Variants in KDM7A observed in about 807,000 individuals in gnomAD.
KDM7A encodes lysine demethylase 7A.
In KDM7A, 28 loss-of-function variants were observed where a neutral mutation model predicts 114.8. The observed-to-expected ratio is 0.24, with a 90% CI of 0.18 to 0.33. The LOEUF is 0.33. Among genes scored for constraint, KDM7A ranks in the 10% least tolerant of loss-of-function variants. The pLI, the probability that KDM7A is intolerant of heterozygous loss-of-function variation, is 1.00. For synonymous variants in KDM7A, 423 were observed against 397.8 expected (o/e 1.06, Z -0.75); for missense variants, 942 against 1,142.5 (o/e 0.82, Z 2.53).
In KDM7A at chr7:140,145,668, C is replaced by T. The variant is rs187216778; in HGVS notation, c.195-6478G>A. 5.2e-3 allele frequency among the ~76,000 whole-genome samples: 791 copies of T among 152,254 alleles called. 14 individuals are homozygous for T. The highest frequency in any genetic ancestry group is 0.017 in the African/African-American group (718 of 41,522). On this transcript the variant is annotated intron_variant, in intron 1 of 19. Transcript: ENST00000397560. ...AAAGAAATAGGTACTATACTCCCAC[C>T]AAAACAGAAACTCAATGTTAACAGA... is the stretch of plus-strand genomic sequence containing the variant.
At chr7:140,134,222 T>C (rs1056566607) in intron 2 of KDM7A, among the ~76,000 whole-genome samples, 3 of 152,208 alleles carry the variant, frequency 2.0e-5, no homozygotes, top group Non-Finnish European at 4.4e-5. Flanking sequence ...TTTATTCCAA[T>C]GCTAAGACCC....
intron 3 of KDM7A, among the ~76,000 whole-genome samples, chr7:140,130,999 G>A (rs148380349): frequency 0.059 from 8,905 of 151,064 alleles, 335 homozygotes; most frequent in East Asian, 0.13. Flanking sequence ...GACTACAGGC[G>A]CCCGCCACCA....
At chr7:140,100,660 T>TTATATATATATATATACACATATATA (rs1818185180) in intron 12 of KDM7A, among the ~76,000 whole-genome samples, 12 of 111,280 alleles carry the variant, frequency 1.1e-4, no homozygotes, top group Non-Finnish European at 1.1e-4. Context: ...TTTTAAAAAG[T>TTATATATATATATATACACATATATA]TATATATATA....
At position 140,176,081 on chromosome 7, in the gene KDM7A, C is replaced by T. The variant is rs1304176792; in HGVS notation, c.194+663G>A. On this transcript the variant is annotated intron_variant, in intron 1 of 19. Transcript: ENST00000397560. This position sits in a 1 kb window ranked among gnomAD's most constrained non-coding sequence, Gnocchi z 4.4. Reference sequence around the variant, plus strand: ...ACTTCCCCGGCACCTTTCAAGTCCCCGAGAGCGAGTGCCTCATCTGTTGCT... The same window carrying T: ...ACTTCCCCGGCACCTTTCAAGTCCCTGAGAGCGAGTGCCTCATCTGTTGCT... Among the ~76,000 whole-genome samples the T allele has an allele frequency of 6.6e-6, 1 of 151,916 alleles. No homozygotes were observed. Among genetic ancestry groups the T allele is most frequent in the Non-Finnish European group, 1.5e-5 (1 of 67,948 alleles).
chr7:140,115,051 C>T (rs1409201854), intron 9 of KDM7A, among the ~76,000 whole-genome samples: 2 of 151,624 alleles, frequency 1.3e-5, no homozygotes, highest in African/African-American at 4.8e-5. Context: ...GCAGCCCCTG[C>T]TCGGCCAGCC....
chr7:140,099,014 C>G lies in KDM7A; in HGVS notation c.1783G>C (p.Ala595Pro). 6.2e-7 allele frequency: 1 copy of G among 1,612,282 alleles called. No individual in the cohort carries two copies. Among genetic ancestry groups the G allele is most frequent in the East Asian group, 2.2e-5 (1 of 44,844 alleles). Reference sequence around the variant, plus strand: ...TCTGCTGTATAAAGACTTTGATCTGCAAAGGGCTGCCTTTCATCTCTGTAT... The same window carrying G: ...TCTGCTGTATAAAGACTTTGATCTGGAAAGGGCTGCCTTTCATCTCTGTAT... ...RIIKDERQPF[A>P]DQSLYTADSE... The change falls in exon 14 of 20, where the codon GCA becomes CCA. Residue 595 changes from alanine (A) to proline (P), a missense_variant. By Grantham distance (27) the Ala-to-Pro change is conservative. Around this residue, in one of 4 missense-constraint regions of KDM7A, gnomAD observed 512 missense variants for 576.6 expected, o/e 0.89. Coordinates refer to ENST00000397560, the MANE Select transcript of KDM7A (RefSeq NM_030647.2).
chr7:140,106,820 A>T (rs1818345126), intron 11 of KDM7A, among the ~76,000 whole-genome samples: 1 of 152,308 alleles, frequency 6.6e-6, no homozygotes, highest in East Asian at 1.9e-4. Flanking sequence ...GTGCAAGCTG[A>T]GTTCAATTCC....
chr7:140,093,514 A>G (rs892385826), intron 18 of KDM7A, among the ~76,000 whole-genome samples: 5 of 151,870 alleles, frequency 3.3e-5, no homozygotes, highest in Non-Finnish European at 5.9e-5. Context: ...TTTGGCTGCC[A>G]TTTTCCAAGG....
rs554432007 is a variant in KDM7A, at chr7:140,113,090, T to C, written c.1338+401A>G. ...CTCTTTGAACCTTGGCTTTCCCATA[T>C]GTAGAATGGTGGTACCAACAGCACC... On this transcript the variant is annotated intron_variant, in intron 10 of 19. Coordinates refer to ENST00000397560, the MANE Select transcript of KDM7A (RefSeq NM_030647.2). Among the ~76,000 whole-genome samples the C allele has an allele frequency of 3.9e-5, 6 of 152,348 alleles. No homozygotes were observed. In the South Asian group the frequency reaches 1.2e-3, roughly 32 times the overall value.
At chr7:140,100,374 A>T (rs963984500) in intron 12 of KDM7A, among the ~76,000 whole-genome samples, 2 of 152,090 alleles carry the variant, frequency 1.3e-5, no homozygotes, top group Non-Finnish European at 2.9e-5. Flanking sequence ...TCTTCCTGCT[A>T]AAGTGCTAGC....
chr7:140,174,968 GA>G (rs34222210), intron 1 of KDM7A, among the ~76,000 whole-genome samples: 1 of 151,668 alleles, frequency 6.6e-6, no homozygotes, highest in Admixed American at 6.6e-5. Context: ...ATAGTTCTTT[GA>G]AAAAAAATAA....
chr7:140,100,715 TATATATATATATATATATATATATATACA>T (rs1818202894), intron 12 of KDM7A, among the ~76,000 whole-genome samples: 1 of 49,072 alleles, frequency 2.0e-5, no homozygotes, highest in African/African-American at 6.9e-5. Context: ...TATACACATA[TATATATATATATATATATATATATATACA>T]TATATATTTT....
intron 10 of KDM7A, among the ~76,000 whole-genome samples, chr7:140,111,737 T>C (rs1818436035): frequency 6.6e-6 from 1 of 152,180 alleles, no homozygotes; most frequent in South Asian, 2.1e-4. Flanking sequence ...GGCTGGCAGA[T>C]CACCTGAGGT....
chr7:140,102,157 C>T lies in KDM7A; in HGVS notation c.1432G>A (p.Glu478Lys), dbSNP rs199627366. 1.2e-5 allele frequency: 19 copies of T among 1,609,838 alleles called. No homozygotes were observed. The highest frequency in any genetic ancestry group is 1.6e-5 in the Non-Finnish European group (19 of 1,176,124). Residue 478 changes from glutamate (E) to lysine (K), a missense_variant, in exon 12 of 20, where the codon GAA becomes AAA. Glu to Lys is a moderately conservative substitution (Grantham distance 56). This residue lies in a region of KDM7A where 512 missense variants were observed against 576.6 expected (regional missense o/e 0.89). Transcript: ENST00000397560. The part of the protein sequence containing the change: ...LSKVIRAIEE[E>K]NGKPVKSQGI... ...TGAGATTTAACTGGTTTGCCGTTTT[C>T]CTCCTTTAAGAATTAAAATCAGAGT...
At chr7:140,140,829 G>C (rs980443820) in intron 1 of KDM7A, among the ~76,000 whole-genome samples, 2 of 151,540 alleles carry the variant, frequency 1.3e-5, no homozygotes, top group Admixed American at 6.6e-5. Context: ...CTGGAGGATC[G>C]AACTGGTACA....
At chr7:140,171,581 A>ATATAT (rs1554402328) in intron 1 of KDM7A, among the ~76,000 whole-genome samples, 1 of 144,108 alleles carries the variant, frequency 6.9e-6, no homozygotes, top group Admixed American at 7.0e-5. Context: ...ATATATATAT[A>ATATAT]TTTTTATATA....
intron 1 of KDM7A, among the ~76,000 whole-genome samples, chr7:140,175,559 G>C (rs1162174908): frequency 6.6e-6 from 1 of 152,216 alleles, no homozygotes; most frequent in East Asian, 1.9e-4. Flanking sequence ...TAAGGACTTT[G>C]GGAGCCCAAC....
In KDM7A at chr7:140,088,603, CGT is replaced by C. The variant is rs1817971636; in HGVS notation, c.*2489_*2490del. Reference sequence around the variant, plus strand: ...CATTATGGCCAGTAATGTTATAAGACGTTTGACCAGGAGTCACTGGATCAGTG... The same window carrying C: ...CATTATGGCCAGTAATGTTATAAGACTTGACCAGGAGTCACTGGATCAGTG... On this transcript the variant is annotated 3_prime_UTR_variant, in exon 20 of 20. Coordinates refer to ENST00000397560, the MANE Select transcript of KDM7A (RefSeq NM_030647.2). 2 of 397,488 alleles carry C rather than the reference CGT, an allele frequency of 5.0e-6. No homozygotes were observed. The highest frequency in any genetic ancestry group is 4.1e-5 in the African/African-American group (2 of 48,574). 24.6% of individuals were successfully genotyped at this position (397,488 alleles called of 1,614,324 possible).
At chr7:140,108,283 TGTCAAA>T (rs1818373992) in intron 11 of KDM7A, among the ~76,000 whole-genome samples, 1 of 152,222 alleles carries the variant, frequency 6.6e-6, no homozygotes, top group Non-Finnish European at 1.5e-5. Flanking sequence ...TCTGTCAACT[TGTCAAA>T]GTCATTCTCC....
Sources: allele counts gnomAD v4.1 joint callset (sites outside exome capture counted in the v4.1 genomes callset), GRCh38; gene constraint gnomAD v4.1.1; regional missense constraint gnomAD v4.1.1; non-coding constraint Gnocchi (gnomAD v3.1); transcripts MANE v1.5; gene names NCBI Gene and HGNC (gene_info 2026-07-23, HGNC 2026-07-21).